Variants in SELENON observed in about 807,000 individuals in gnomAD.
The protein encoded by SELENON is selenoprotein N, also known as selenoprotein N, 1.
A neutral mutation model predicts 59.5 loss-of-function variants in SELENON; 44 were observed. The ratio of observed to expected loss-of-function variants is 0.74; its 90% CI spans 0.58 to 0.95. The LOEUF is 0.95. SELENON is among the 40% of genes least tolerant of loss of function. The pLI is 0.00. For missense variants in SELENON, 674 were observed against 721.4 expected (o/e 0.93, Z 0.75); for synonymous variants, 320 against 305.6 (o/e 1.05, Z -0.49).
Position 25,808,702 on chromosome 1 carries a change from C to T in SELENON, c.660C>T (p.Pro220=). 1 of 1,614,158 alleles carries T rather than the reference C, an allele frequency of 6.2e-7. No homozygotes were observed. Among genetic ancestry groups the T allele is most frequent in the South Asian group, 1.1e-5 (1 of 91,088 alleles). ...CGCCAGGCCAGGAGCTGGGTGAGCC[C>T]TGGTGGATCATCCCCAGTGAGCTGA... Residue 220 remains proline (P), a synonymous_variant, in exon 5 of 13, where the codon CCC becomes CCT. Transcript: ENST00000361547.
chr1:25,805,305 A>C, intron 4 of SELENON, 30 bp downstream of exon 3: 6 of 1,613,618 alleles, frequency 3.7e-6, no homozygotes, highest in Non-Finnish European at 5.1e-6. Flanking sequence ...CAGTGGGGTC[A>C]TCTGTGTGTA....
intron 9 of SELENON, among the ~76,000 whole-genome samples, chr1:25,812,348 A>T (rs1330501851): frequency 6.6e-6 from 1 of 152,040 alleles, no homozygotes; most frequent in Non-Finnish European, 1.5e-5. Flanking sequence ...CTCCATCTCA[A>T]AATAAAAAAT....
Position 25,811,484 on chromosome 1 carries a change from C to G in SELENON, c.1041C>G (p.Tyr347Ter). The change falls in exon 8 of 13, where the codon TAC (tyrosine) becomes TAG (stop). Residue 347 changes from tyrosine to a stop codon, truncating the protein, a stop_gained. Coordinates refer to ENST00000361547, the MANE Select transcript of SELENON (RefSeq NM_020451.3). LOFTEE classifies it high-confidence loss of function. ...TGAATGTGGACATGGAGTGGCTTTACGGGGCCAGTGAAAGCAGCAACATGG... is the reference window on the plus strand; with the variant it reads ...TGAATGTGGACATGGAGTGGCTTTAGGGGGCCAGTGAAAGCAGCAACATGG... The G allele has an allele frequency of 6.2e-7, 1 of 1,614,022 alleles. No homozygotes were observed. Among genetic ancestry groups the G allele is most frequent in the East Asian group, 2.2e-5 (1 of 44,890 alleles).
At position 25,812,775 on chromosome 1, in the gene SELENON, A is replaced by AT; in HGVS notation, c.1371dup (p.Asp458Ter). ...TCAATCCTGCTGTGGGGGGCCCTGG[A>AT]TGACCAGTCCTGCTGAGGTGAGGGG... On this transcript the variant is annotated frameshift_variant, in exon 10 of 13. Transcript: ENST00000361547. LOFTEE classifies it high-confidence loss of function. 6.2e-7 allele frequency: 1 copy of AT among 1,613,256 alleles called. No individual in the cohort carries two copies. Among genetic ancestry groups the AT allele is most frequent in the Non-Finnish European group, 8.5e-7 (1 of 1,179,678 alleles).
chr1:25,806,760 A>G (rs2047910405), intron 4 of SELENON, among the ~76,000 whole-genome samples: 1 of 150,974 alleles, frequency 6.6e-6, no homozygotes, highest in African/African-American at 2.4e-5. Context: ...TGAGGCTGGC[A>G]CCTGTGGCGG....
In SELENON at chr1:25,818,093, C is replaced by T. The variant is rs573401331; in HGVS notation, c.*2375C>T. The T allele has an allele frequency of 6.6e-6, 1 of 152,562 alleles. No individual in the cohort carries two copies. Among genetic ancestry groups the T allele is most frequent in the East Asian group, 1.9e-4 (1 of 5,196 alleles). The allele number at this position is 152,562 out of a possible 1,614,324, so 9.5% of individuals were successfully genotyped here. The stretch of plus-strand genomic sequence containing the variant: ...CTTTCTGAGGCCTTATCTGATGCCT[C>T]TGCAGTTCATGTCCCCCACCAGGCC... On this transcript the variant is annotated 3_prime_UTR_variant, in exon 13 of 13. Coordinates refer to ENST00000361547, the MANE Select transcript of SELENON (RefSeq NM_020451.3).
At chr1:25,809,236 C>T in intron 6 of SELENON, 86 bp downstream of exon 5, 1 of 1,587,228 alleles carries the variant, frequency 6.3e-7, no homozygotes. Context: ...TTGAGCCCCC[C>T]AGCTCCACCT....
rs772673181 is a variant in SELENON, at chr1:25,809,094, G to A, written c.816G>A (p.Gln272=). The change falls in exon 6 of 13, where the codon CAG becomes CAA. Residue 272 remains glutamine, a synonymous_variant. Transcript: ENST00000361547. ...TTGTGAAGACCCGCTTTGCCCCTCA[G>A]GGAGCTGTGGCCTGCCTGACTGCCA... The A allele has an allele frequency of 8.7e-6, 14 of 1,613,840 alleles. No individual in the cohort carries two copies. The Middle Eastern group carries it at 4.9e-4, about 57-fold the overall frequency.
chr1:25,806,238 G>A (rs1418368077), intron 4 of SELENON, among the ~76,000 whole-genome samples: 1 of 152,242 alleles, frequency 6.6e-6, no homozygotes, highest in Non-Finnish European at 1.5e-5. Context: ...CAATCAGTGG[G>A]GCCAGGAGAG....
Position 25,800,964 on chromosome 1 carries a change from A to C in SELENON, c.184-79A>C, listed in dbSNP as rs200421395. 5.5e-4 allele frequency: 615 copies of C among 1,112,496 alleles called. 3 individuals are homozygous for C. Among genetic ancestry groups the C allele is most frequent in the Non-Finnish European group, 8.0e-4 (578 of 722,282 alleles). 68.9% of individuals were successfully genotyped at this position (1,112,496 alleles called of 1,614,324 possible). ...GGAAGATGGTGGGAGAAGGGGCTCC[A>C]TGCGGAAGCAACTGCCTGTTGGGGA... On this transcript the variant is annotated intron_variant, in intron 1 of 12. Coordinates refer to ENST00000361547, the MANE Select transcript of SELENON (RefSeq NM_020451.3).
At chr1:25,809,585 A>C in intron 6 of SELENON, 98 bp from the exon 6 acceptor site, 8 of 1,562,658 alleles carry the variant, frequency 5.1e-6, no homozygotes, top group South Asian at 1.1e-5. Flanking sequence ...CTCCACCCCC[A>C]CACTCAGCCT....
chr1:25,814,898 C>T (rs967465134), intron 12 of SELENON, among the ~76,000 whole-genome samples: 3 of 152,052 alleles, frequency 2.0e-5, no homozygotes, highest in East Asian at 1.9e-4. Context: ...GGGGCTGTCA[C>T]GGGAGAGGTG....
Position 25,811,500 on chromosome 1 carries a change from A to T in SELENON, c.1057A>T (p.Ser353Cys), listed in dbSNP as rs771061036. The T allele has an allele frequency of 3.1e-6, 5 of 1,614,140 alleles. No homozygotes were observed. The highest frequency in any genetic ancestry group is 2.5e-6 in the Non-Finnish European group (3 of 1,180,040). The change falls in exon 8 of 13, where the codon AGC becomes TGC. Residue 353 changes from serine to cysteine, a missense_variant. Transcript: ENST00000361547. ...GTGGCTTTACGGGGCCAGTGAAAGC[A>T]GCAACATGGAGGTGGACATCGGCTA...
In SELENON at chr1:25,813,913, G is replaced by T; in HGVS notation, c.1420G>T (p.Glu474Ter). The change falls in exon 11 of 13, where the codon GAA becomes TAA. Residue 474 changes from glutamate to a stop codon, truncating the protein, a stop_gained. Transcript: ENST00000361547. LOFTEE classifies it high-confidence loss of function. Reference sequence around the variant, plus strand: ...GCGGACTCTCCGGGAGACTGTCCTGGAAAGTTCGCCCATCCTCACCCTGCT... The same window carrying T: ...GCGGACTCTCCGGGAGACTGTCCTGTAAAGTTCGCCCATCCTCACCCTGCT... 6.2e-7 allele frequency: 1 copy of T among 1,614,108 alleles called. No individual in the cohort carries two copies. The highest frequency in any genetic ancestry group is 8.5e-7 in the Non-Finnish European group (1 of 1,180,036).
chr1:25,812,835 C>T, intron 10 of SELENON, 43 bp downstream of exon 9: 2 of 1,467,056 alleles, frequency 1.4e-6, no homozygotes, highest in Non-Finnish European at 1.9e-6. Flanking sequence ...TGGGAAAGTC[C>T]ACACCTTGTG....
Position 25,807,925 on chromosome 1 carries a change from G to A in SELENON, c.538-655G>A, listed in dbSNP as rs1005880459. The stretch of plus-strand genomic sequence containing the variant: ...GGCTTAGGGAAGGCCTTTTGCCCAG[G>A]GTGGGGCAGGCTGTACTTAAGGCAG... On this transcript the variant is annotated intron_variant, in intron 4 of 12. Coordinates refer to ENST00000361547, the MANE Select transcript of SELENON (RefSeq NM_020451.3). This position sits in a 1 kb window ranked among gnomAD's most constrained non-coding sequence, Gnocchi z 4.5. 6.6e-6 allele frequency among the ~76,000 whole-genome samples: 1 copy of A among 152,216 alleles called. No homozygotes were observed. The highest frequency in any genetic ancestry group is 6.5e-5 in the Admixed American group (1 of 15,276).
At position 25,800,219 on chromosome 1, in the gene SELENON, C is replaced by G. The variant is rs866547663; in HGVS notation, c.-12C>G. On this transcript the variant is annotated 5_prime_UTR_variant, in exon 1 of 13. Coordinates refer to ENST00000361547, the MANE Select transcript of SELENON (RefSeq NM_020451.3). ...CTTCCCGGGCCGCCGGCAGCCGCCG[C>G]CAGCCGCAGCCATGGGCCGGGCCCG... is the stretch of plus-strand genomic sequence containing the variant. 2.9e-6 allele frequency: 2 copies of G among 687,642 alleles called. No individual in the cohort carries two copies. Among genetic ancestry groups the G allele is most frequent in the South Asian group, 6.2e-5 (1 of 16,054 alleles). 42.6% of individuals were successfully genotyped at this position (687,642 alleles called of 1,614,324 possible).
At chr1:25,812,944 T>C in intron 10 of SELENON, 152 bp downstream of exon 9, 1 of 628,858 alleles carries the variant, frequency 1.6e-6, no homozygotes, top group Non-Finnish European at 2.8e-6. Flanking sequence ...GCTTGGGGGT[T>C]TCTGTGCTGA....
At chr1:25,813,764 G>T (rs536321435) in intron 10 of SELENON, 117 bp from the exon 10 acceptor site, 13 of 785,660 alleles carry the variant, frequency 1.7e-5, no homozygotes, top group Non-Finnish European at 1.2e-5. Flanking sequence ...CAGGCTCTTT[G>T]AATCTGTTAT....
Sources: allele counts gnomAD v4.1 joint callset (sites outside exome capture counted in the v4.1 genomes callset), GRCh38; gene constraint gnomAD v4.1.1; non-coding constraint Gnocchi (gnomAD v3.1); transcripts MANE v1.5; gene names NCBI Gene and HGNC (gene_info 2026-07-23, HGNC 2026-07-21).